Variants in ABCG5 observed in about 807,000 individuals in gnomAD.
The protein encoded by ABCG5 is ATP binding cassette subfamily G member 5.
In ABCG5, 64 loss-of-function variants were observed where a neutral mutation model predicts 64.5. The ratio of observed to expected loss-of-function variants is 0.99; its 90% CI spans 0.81 to 1.22. ABCG5 has a LOEUF of 1.22. ABCG5 is among the 50% of genes most tolerant of loss of function. ABCG5 has a pLI of 0.00. For missense variants in ABCG5, 908 were observed against 829.5 expected, an observed-to-expected ratio of 1.09 and a Z score of -1.16; for synonymous variants, 385 against 326.3, an observed-to-expected ratio of 1.18 and a Z score of -1.94.
chr2:43,836,411 G>A (rs1300770221), intron 2 of ABCG5, among the ~76,000 whole-genome samples: 1 of 152,188 alleles, frequency 6.6e-6, no homozygotes, highest in Admixed American at 6.5e-5. Context: ...CACAAGTAGA[G>A]AGTGGCAGTG....
chr2:43,830,760 G>A (rs1287306463), intron 4 of ABCG5, among the ~76,000 whole-genome samples: 2 of 152,232 alleles, frequency 1.3e-5, no homozygotes, highest in African/African-American at 4.8e-5. Context: ...GTGCTTGTGG[G>A]CCTTCCCAGT....
Position 43,838,661 on chromosome 2 carries a change from A to G in ABCG5, c.19T>C (p.Leu7=). The change falls in exon 1 of 13, where the codon TTG becomes CTG. Residue 7 remains leucine, a synonymous_variant. Coordinates refer to ENST00000405322, the MANE Select transcript of ABCG5 (RefSeq NM_022436.3). The surrounding 1 kb of genome is among the most constrained non-coding windows in gnomAD (Gnocchi z 4.2). Reference sequence around the variant, plus strand: ...AGACCCATGGACCCTCCGGGGGTCAAAGATGAGAGGTCACCCATGGCCAAC... The same window carrying G: ...AGACCCATGGACCCTCCGGGGGTCAGAGATGAGAGGTCACCCATGGCCAAC... The part of the protein sequence containing the change: MGDLSS[L]TPGGSMGLQV... 1 of 1,613,728 alleles carries G rather than the reference A, an allele frequency of 6.2e-7. No individual in the cohort carries two copies. Among genetic ancestry groups the G allele is most frequent in the Non-Finnish European group, 8.5e-7 (1 of 1,179,974 alleles).
chr2:43,824,462 A>T, intron 7 of ABCG5, 30 bp from the exon 8 acceptor site: 24 of 1,611,136 alleles, frequency 1.5e-5, no homozygotes, highest in Non-Finnish European at 1.9e-5. Context: ...GATGTCACCC[A>T]TGTGTTTTTA....
chr2:43,825,002 G>A lies in ABCG5; in HGVS notation c.791C>T (p.Ala264Val), dbSNP rs768917242. Residue 264 changes from alanine to valine, a missense_variant, in exon 7 of 13, where the codon GCC becomes GTC. Physicochemically the swap from Ala to Val is moderately conservative, Grantham distance 64. Transcript: ENST00000405322. ...SELFQLFDKIAILSFGELIFC... is the reference protein window; with the variant it reads ...SELFQLFDKIVILSFGELIFC... ...AATCAGCTCTCCGAAGCTCAGGATG[G>A]CAATTTTGTCAAAGAGCTGACCAGA... The A allele has an allele frequency of 1.3e-5, 21 of 1,613,550 alleles. No homozygotes were observed. In the Admixed American group the frequency reaches 3.2e-4, roughly 24 times the overall value.
At chr2:43,818,665 T>C (rs1444379713) in intron 11 of ABCG5, among the ~76,000 whole-genome samples, 5 of 152,188 alleles carry the variant, frequency 3.3e-5, no homozygotes, top group African/African-American at 1.2e-4. Flanking sequence ...TTTTCATAAA[T>C]ATTAACAATC....
chr2:43,835,994 T>C (rs556362130), intron 2 of ABCG5, among the ~76,000 whole-genome samples: 1 of 152,096 alleles, frequency 6.6e-6, no homozygotes, highest in Non-Finnish European at 1.5e-5. Flanking sequence ...TAGAGTGCAG[T>C]GGCACAATCT....
rs147532144 is a variant in ABCG5, at chr2:43,834,423, C to G, written c.266-2340G>C. On this transcript the variant is annotated intron_variant, in intron 2 of 12. Transcript: ENST00000405322. ...GGGATCCCAAGACAGGACTACCCAA[C>G]CAAGTCACTTCCAGAGTTCTGATCC... Among the ~76,000 whole-genome samples, 9 of 152,318 alleles carry G rather than the reference C, an allele frequency of 5.9e-5. No homozygotes were observed. The East Asian group carries it at 1.7e-3, about 29-fold the overall frequency.
intron 6 of ABCG5, 37 bp from the exon 7 acceptor site, chr2:43,825,055 A>G (rs769061566): frequency 3.1e-6 from 5 of 1,609,330 alleles, no homozygotes; most frequent in Non-Finnish European, 4.2e-6. Flanking sequence ...GTGTGATCAC[A>G]AGGGTAGCGA....
chr2:43,831,247 G>A (rs565918687), intron 4 of ABCG5, among the ~76,000 whole-genome samples: 13 of 152,002 alleles, frequency 8.6e-5, no homozygotes, highest in South Asian at 2.1e-4. Flanking sequence ...ATCATGGCTC[G>A]CTGCAGCCTC....
At chr2:43,817,097 C>T (rs77171572) in intron 11 of ABCG5, among the ~76,000 whole-genome samples, 2,497 of 152,224 alleles carry the variant, frequency 0.016, 48 homozygotes, top group African/African-American at 0.05. Flanking sequence ...TAATTTTCAG[C>T]GATGGAAGTG....
intron 11 of ABCG5, among the ~76,000 whole-genome samples, chr2:43,816,392 C>T (rs577729106): frequency 6.6e-6 from 1 of 152,216 alleles, no homozygotes; most frequent in Non-Finnish European, 1.5e-5. Context: ...GAGAGTGCGC[C>T]TCTAGCCTTG....
chr2:43,822,723 T>C, intron 10 of ABCG5, 74 bp downstream of exon 10: 1 of 1,607,346 alleles, frequency 6.2e-7, no homozygotes, highest in Non-Finnish European at 8.5e-7. Flanking sequence ...ACCCTGGAGC[T>C]CTCCCTGCAC....
intron 2 of ABCG5, among the ~76,000 whole-genome samples, chr2:43,835,249 GGGGTGCACTTCTGAGCATTGGCC>G (rs1668191536): frequency 2.0e-5 from 1 of 49,726 alleles, no homozygotes. Flanking sequence ...ATTGGCCTTT[GGGGTGCACTTCTGAGCATTGGCC>G]TTTGGGGTGC....
At chr2:43,811,497 C>T (rs112655259), downstream of ABCG5, among the ~76,000 whole-genome samples, 5 of 152,304 alleles carry the variant, frequency 3.3e-5, no homozygotes, top group African/African-American at 1.2e-4. Flanking sequence ...CATATTCTCA[C>T]CCAAAGTTAC....
At chr2:43,834,211 C>T (rs186975358) in intron 2 of ABCG5, among the ~76,000 whole-genome samples, 9 of 152,350 alleles carry the variant, frequency 5.9e-5, no homozygotes, top group Admixed American at 5.2e-4. Context: ...TGTAATTTCC[C>T]AGTCGTGTGG....
chr2:43,827,163 A>G, intron 5 of ABCG5, among the ~76,000 whole-genome samples: 1 of 152,024 alleles, frequency 6.6e-6, no homozygotes, highest in South Asian at 2.1e-4. Context: ...TGTCTCTACT[A>G]AAAGAACAAA....
At chr2:43,816,099 C>T (rs1011159709) in intron 11 of ABCG5, among the ~76,000 whole-genome samples, 8 of 152,118 alleles carry the variant, frequency 5.3e-5, no homozygotes, top group African/African-American at 1.9e-4. Flanking sequence ...GTTCCACATG[C>T]ACCTATGGTT....
rs759040388 is a variant in ABCG5, at chr2:43,820,118, C to T, written c.1464-18G>A. 5 of 1,610,080 alleles carry T rather than the reference C, an allele frequency of 3.1e-6. No individual in the cohort carries two copies. Among genetic ancestry groups the T allele is most frequent in the Non-Finnish European group, 4.2e-6 (5 of 1,177,862 alleles). ...CCAGCGTCCTAGAAAAGCATAAGCT[C>T]TTTAGTTTCCTCTCCAAGGGCTATC... is the stretch of plus-strand genomic sequence containing the variant. On this transcript the variant is annotated intron_variant, in intron 10 of 12. Coordinates refer to ENST00000405322, the MANE Select transcript of ABCG5 (RefSeq NM_022436.3).
chr2:43,833,019 A>G (rs1229857314), intron 2 of ABCG5, among the ~76,000 whole-genome samples: 1 of 152,222 alleles, frequency 6.6e-6, no homozygotes, highest in African/African-American at 2.4e-5. Flanking sequence ...CATGTTGGCC[A>G]GGCTGGTCTC....
Sources: allele counts gnomAD v4.1 joint callset (sites outside exome capture counted in the v4.1 genomes callset), GRCh38; gene constraint gnomAD v4.1.1; non-coding constraint Gnocchi (gnomAD v3.1); transcripts MANE v1.5; gene names NCBI Gene and HGNC (gene_info 2026-07-23, HGNC 2026-07-21).